The following CFAP46 variants were observed in gnomAD, a reference collection of about 807,000 sequenced individuals.
The protein encoded by CFAP46 is cilia and flagella associated protein 46.
CFAP46 carries 245 observed loss-of-function variants against 325.7 expected under a neutral mutation model. The observed-to-expected ratio is 0.75, with a 90% CI of 0.68 to 0.84. The LOEUF (loss-of-function observed/expected upper bound fraction) is 0.84, where lower values mean the gene tolerates loss of function less well. Ranked by LOEUF, CFAP46 falls within the 40% of genes least tolerant of loss-of-function variation. CFAP46 has a pLI of 0.00. For synonymous variants in CFAP46, 1,523 were observed against 1,495.9 expected (o/e 1.02, Z -0.42); for missense variants, 3,346 against 3,543.0 (o/e 0.94, Z 1.41).
Position 132,847,596 on chromosome 10 carries a change from C to T in CFAP46, c.5953-275G>A, listed in dbSNP as rs1394447536. 1.3e-5 allele frequency among the ~76,000 whole-genome samples: 2 copies of T among 151,934 alleles called. No individual in the cohort carries two copies. Among genetic ancestry groups the T allele is most frequent in the South Asian group, 2.1e-4 (1 of 4,828 alleles). ...TGAGGACGCAGACCCCTGAGGAAGCCGGCCTGAGTCACGTGGGCCTGGAAT... is the reference window on the plus strand; with the variant it reads ...TGAGGACGCAGACCCCTGAGGAAGCTGGCCTGAGTCACGTGGGCCTGGAAT... On this transcript the variant is annotated intron_variant, in intron 41 of 57. Coordinates refer to ENST00000368586, the MANE Select transcript of CFAP46 (RefSeq NM_001200049.3). The surrounding 1 kb of genome is among the most constrained non-coding windows in gnomAD (Gnocchi z 5.2).
chr10:132,941,024 C>A lies in CFAP46; in HGVS notation c.343G>T (p.Ala115Ser). 1 of 1,614,192 alleles carries A rather than the reference C, an allele frequency of 6.2e-7. No homozygotes were observed. The highest frequency in any genetic ancestry group is 8.5e-7 in the Non-Finnish European group (1 of 1,180,032). Residue 115 changes from alanine to serine, a missense_variant, in exon 4 of 58, where the codon GCC becomes TCC. Ala to Ser is a moderately conservative substitution (Grantham distance 99). Coordinates refer to ENST00000368586, the MANE Select transcript of CFAP46 (RefSeq NM_001200049.3). Reference protein sequence around the residue: ...FENCVTEYMKAINFAKGEPRY... With the variant: ...FENCVTEYMKSINFAKGEPRY... The stretch of plus-strand genomic sequence containing the variant: ...GGTTCTCCTTTGGCAAAGTTTATGG[C>A]CTTCATGTACTCAGTCACGCAATTT...
At chr10:132,922,324 G>C (rs1375030118) in intron 12 of CFAP46, 100 bp from the exon 13 acceptor site, 2 of 1,479,694 alleles carry the variant, frequency 1.4e-6, no homozygotes, top group African/African-American at 2.8e-5. Context: ...GGCCTGTGTG[G>C]TCCTCGTGCT....
Position 132,941,811 on chromosome 10 carries a change from C to G in CFAP46, c.175-89G>C. ...ACCACGGGCCCGCTTTCAGAACAGG[C>G]CCCCAGCACAGGTGGAGCCTGTTTC... On this transcript the variant is annotated intron_variant, in intron 2 of 57. Coordinates refer to ENST00000368586, the MANE Select transcript of CFAP46 (RefSeq NM_001200049.3). 7 of 1,578,544 alleles carry G rather than the reference C, an allele frequency of 4.4e-6. No individual in the cohort carries two copies. In the Middle Eastern group the frequency reaches 8.6e-4, roughly 193 times the overall value.
At chr10:132,826,493 CCGGAGCCA>C (rs1848055941) in intron 50 of CFAP46, among the ~76,000 whole-genome samples, 1 of 122,590 alleles carries the variant, frequency 8.2e-6, no homozygotes, top group Non-Finnish European at 1.7e-5. Context: ...CAGGCAGGAG[CCGGAGCCA>C]CGGAGCCAGG....
chr10:132,815,007 T>C, intron 50 of CFAP46, 93 bp from the exon 51 acceptor site: 5 of 1,125,290 alleles, frequency 4.4e-6, no homozygotes, highest in Non-Finnish European at 6.6e-6. Context: ...TATGCAAATT[T>C]CACTTAAATG....
intron 5 of CFAP46, 80 bp downstream of exon 5, chr10:132,938,509 C>T (rs545504137): frequency 1.1e-5 from 15 of 1,389,252 alleles, no homozygotes; most frequent in East Asian, 2.3e-5. Flanking sequence ...CCCGTCCCCC[C>T]CCCGGAGAAG....
At chr10:132,845,793 G>T (rs950935491) in intron 44 of CFAP46, among the ~76,000 whole-genome samples, 3 of 152,176 alleles carry the variant, frequency 2.0e-5, no homozygotes, top group African/African-American at 7.2e-5. Context: ...TTGGCTGCAG[G>T]CCTGGCTGTG....
At chr10:132,855,688 T>A (rs563550388) in intron 39 of CFAP46, among the ~76,000 whole-genome samples, 1 of 152,228 alleles carries the variant, frequency 6.6e-6, no homozygotes, top group East Asian at 1.9e-4. Flanking sequence ...TACATCTGTA[T>A]TCTGGTATTT....
Position 132,919,571 on chromosome 10 carries a change from C to T in CFAP46, c.1731-129G>A. On this transcript the variant is annotated intron_variant, in intron 14 of 57. Transcript: ENST00000368586. This position sits in a 1 kb window ranked among gnomAD's most constrained non-coding sequence, Gnocchi z 9.7. ...CTGCAGTTTCAAGGTGGCAAGGAGC[C>T]CGGCACTCGCGCTGGGTACGGCCTG... 8.0e-7 allele frequency: 1 copy of T among 1,246,002 alleles called. No individual in the cohort carries two copies. The highest frequency in any genetic ancestry group is 2.3e-4 in the Middle Eastern group (1 of 4,338). 77.2% of individuals were successfully genotyped at this position (1,246,002 alleles called of 1,614,324 possible).
At chr10:132,813,429 C>T (rs1847623932) in intron 54 of CFAP46, among the ~76,000 whole-genome samples, 2 of 142,096 alleles carry the variant, frequency 1.4e-5, no homozygotes, top group South Asian at 4.7e-4. Flanking sequence ...TGCAGCCCCA[C>T]CTCTGCACAC....
At chr10:132,924,353 C>T (rs1024398910) in intron 11 of CFAP46, among the ~76,000 whole-genome samples, 8 of 152,210 alleles carry the variant, frequency 5.3e-5, no homozygotes, top group East Asian at 3.9e-4. Context: ...CCTCTGAGCA[C>T]TCCTGTCTCA....
chr10:132,837,007 A>T, intron 44 of CFAP46, 93 bp from the exon 45 acceptor site: 16 of 997,810 alleles, frequency 1.6e-5, no homozygotes, highest in Non-Finnish European at 2.3e-5. Context: ...CTCGTGGCAG[A>T]GCCACGGCGG....
Position 132,833,389 on chromosome 10 carries a change from C to G in CFAP46, c.7086G>C (p.Met2362Ile). ...SSVSREFSLQ[M>I]LWNRLHKEET... ...CTTCTTTATGGAGGCGATTCCACAG[C>G]ATTTGAAGAGAAAATTCTCGTGACA... is the stretch of plus-strand genomic sequence containing the variant. The change falls in exon 50 of 58, where the codon ATG (methionine) becomes ATC (isoleucine). Residue 2362 changes from methionine (M) to isoleucine (I), a missense_variant. Physicochemically the swap from Met to Ile is conservative, Grantham distance 10 (BLOSUM62 1). Coordinates refer to ENST00000368586, the MANE Select transcript of CFAP46 (RefSeq NM_001200049.3). 6.2e-7 allele frequency: 1 copy of G among 1,614,154 alleles called. No individual in the cohort carries two copies. The highest frequency in any genetic ancestry group is 8.5e-7 in the Non-Finnish European group (1 of 1,180,030).
In CFAP46 at chr10:132,938,625, T is replaced by G; in HGVS notation, c.500A>C (p.Glu167Ala). The G allele has an allele frequency of 6.2e-7, 1 of 1,613,602 alleles. No homozygotes were observed. The highest frequency in any genetic ancestry group is 1.3e-5 in the African/African-American group (1 of 75,034). Residue 167 changes from glutamate to alanine, a missense_variant, in exon 5 of 58, where the codon GAG (glutamate) becomes GCG (alanine). Physicochemically the swap from Glu to Ala is moderately radical, Grantham distance 107 (BLOSUM62 -1). Transcript: ENST00000368586. The stretch of plus-strand genomic sequence containing the variant: ...AGCACGCCACTCCTTGTCTTCCTCC[T>G]CAGTCTGACTCAGCACGTTTATGAT... ...SQIINVLSQTEEEDKEWRAEL... is the reference protein window; with the variant it reads ...SQIINVLSQTAEEDKEWRAEL...
At chr10:132,815,745 C>T (rs937752889) in intron 50 of CFAP46, among the ~76,000 whole-genome samples, 2 of 152,146 alleles carry the variant, frequency 1.3e-5, no homozygotes, top group African/African-American at 4.8e-5. Context: ...GTGATTGTGC[C>T]ACTGGACTCC....
chr10:132,857,441 T>C, intron 39 of CFAP46, 149 bp downstream of exon 39: 1 of 740,168 alleles, frequency 1.4e-6, no homozygotes, highest in Non-Finnish European at 2.2e-6. Context: ...TGTTTGTTTT[T>C]TTGTTGTTTC....
At chr10:132,904,232 G>A (rs1849426154) in intron 22 of CFAP46, among the ~76,000 whole-genome samples, 1 of 152,248 alleles carries the variant, frequency 6.6e-6, no homozygotes, top group Non-Finnish European at 1.5e-5. Context: ...CTGGGGAAGG[G>A]CCTGTGGCTC....
At chr10:132,823,466 G>A (rs1490253410) in intron 50 of CFAP46, among the ~76,000 whole-genome samples, 1 of 139,424 alleles carries the variant, frequency 7.2e-6, no homozygotes, top group South Asian at 2.6e-4. Flanking sequence ...TGTGTGTGCT[G>A]TGTGAGTGCT....
chr10:132,932,796 G>A (rs1235979826), intron 8 of CFAP46, among the ~76,000 whole-genome samples: 1 of 152,252 alleles, frequency 6.6e-6, no homozygotes, highest in African/African-American at 2.4e-5. Context: ...CTTCAAGAAA[G>A]AGCACAGCGG....
Sources: allele counts gnomAD v4.1 joint callset (sites outside exome capture counted in the v4.1 genomes callset), GRCh38; gene constraint gnomAD v4.1.1; non-coding constraint Gnocchi (gnomAD v3.1); transcripts MANE v1.5; gene names NCBI Gene and HGNC (gene_info 2026-07-23, HGNC 2026-07-21).